Variants in ABCE1 observed in about 807,000 individuals in gnomAD.
ABCE1 encodes ATP binding cassette subfamily E member 1.
Under a neutral mutation model 83.4 loss-of-function variants are expected in ABCE1, and 22 were observed. The ratio of observed to expected loss-of-function variants is 0.26; its 90% CI spans 0.19 to 0.38. ABCE1 has a LOEUF of 0.38. Ranked by LOEUF, ABCE1 falls within the 10% of genes least tolerant of loss-of-function variation. ABCE1 has a pLI of 1.00. For synonymous variants in ABCE1, 204 were observed against 233.7 expected (o/e 0.87, Z 1.16); for missense variants, 330 against 721.9 (o/e 0.46, Z 6.22).
At chr4:145,099,539 G>A (rs1749056619) in intron 1 of ABCE1, among the ~76,000 whole-genome samples, 1 of 152,188 alleles carries the variant, frequency 6.6e-6, no homozygotes, top group South Asian at 2.1e-4. Flanking sequence ...TTAAAAAAGG[G>A]AGTTTTTTTG....
intron 17 of ABCE1, among the ~76,000 whole-genome samples, chr4:145,126,095 G>A (rs1421300812): frequency 6.6e-6 from 1 of 151,994 alleles, no homozygotes; most frequent in Non-Finnish European, 1.5e-5. Flanking sequence ...GTCTAAACAA[G>A]CTCCTGTGAT....
rs753580174 is a variant in ABCE1, at chr4:145,120,014, G to A, written c.1005G>A (p.Glu335=). Residue 335 remains glutamate, a synonymous_variant, in exon 11 of 18, where the codon GAG becomes GAA. Coordinates refer to ENST00000296577, the MANE Select transcript of ABCE1 (RefSeq NM_002940.3). The part of the protein sequence containing the change: ...RDASLVFKVA[E]TANEEEVKKM... ...CATCACTTGTTTTTAAAGTGGCTGA[G>A]ACAGCAAATGAAGAAGAAGTTAAAA... 3 of 1,612,456 alleles carry A rather than the reference G, an allele frequency of 1.9e-6. No homozygotes were observed. In the East Asian group the frequency reaches 6.7e-5, roughly 36 times the overall value.
At chr4:145,126,053 C>A (rs952590701) in intron 17 of ABCE1, among the ~76,000 whole-genome samples, 1 of 151,964 alleles carries the variant, frequency 6.6e-6, no homozygotes, top group Non-Finnish European at 1.5e-5. Flanking sequence ...CCCCCGCCCC[C>A]GCAACCCCCG....
chr4:145,114,106 A>G (rs1749551229), intron 9 of ABCE1, among the ~76,000 whole-genome samples: 1 of 152,160 alleles, frequency 6.6e-6, no homozygotes, highest in African/African-American at 2.4e-5. Flanking sequence ...TGAAACTTAG[A>G]ATATCAGTGA....
rs1269825252 is a variant in ABCE1 at position 145,129,302 on chromosome 4, A to G, written c.*1729A>G. On this transcript the variant is annotated 3_prime_UTR_variant, in exon 18 of 18. Coordinates refer to ENST00000296577, the MANE Select transcript of ABCE1 (RefSeq NM_002940.3). The stretch of plus-strand genomic sequence containing the variant: ...TTTAAAATATGTATCTTAAAATTTT[A>G]CATAGCAACAGAAAGGCCTACAATT... 6.6e-6 allele frequency: 1 copy of G among 152,214 alleles called. No individual in the cohort carries two copies. Among genetic ancestry groups the G allele is most frequent in the Non-Finnish European group, 1.5e-5 (1 of 68,028 alleles). The allele number at this position is 152,214 out of a possible 1,614,324, so 9.4% of individuals were successfully genotyped here. A position where few individuals can be genotyped will look rare whatever the true frequency, so the allele number is the denominator to read the frequency against.
At chr4:145,120,458 A>G (rs1749713911) in intron 11 of ABCE1, among the ~76,000 whole-genome samples, 1 of 152,136 alleles carries the variant, frequency 6.6e-6, no homozygotes, top group South Asian at 2.1e-4. Context: ...TAAATTGACT[A>G]AGATGGAAAG....
intron 2 of ABCE1, 45 bp downstream of exon 2, chr4:145,104,560 A>G: frequency 7.7e-7 from 1 of 1,295,120 alleles, no homozygotes; most frequent in African/African-American, 1.5e-5. Flanking sequence ...AAAACCATGA[A>G]AGAAATCAAC....
intron 10 of ABCE1, 137 bp from the exon 11 acceptor site, chr4:145,119,795 T>C (rs956444508): frequency 1.6e-6 from 1 of 617,016 alleles, no homozygotes; most frequent in South Asian, 2.0e-5. Context: ...TTTTTTAAGT[T>C]ACTTCTTTAT....
chr4:145,105,698 A>G lies in ABCE1; in HGVS notation c.189+8A>G. 3.2e-6 allele frequency: 5 copies of G among 1,565,764 alleles called. No individual in the cohort carries two copies. Among genetic ancestry groups the G allele is most frequent in the Non-Finnish European group, 4.4e-6 (5 of 1,142,518 alleles). On this transcript the variant is annotated splice_region_variant and intron_variant, in intron 3 of 17. Transcript: ENST00000296577. ...TGTGGTATCTGTATTAAGGTAAGTA[A>G]TATTTTATTTACTGGATCAAACGTG...
chr4:145,124,607 A>G (rs34592228), intron 16 of ABCE1, among the ~76,000 whole-genome samples: 7 of 152,104 alleles, frequency 4.6e-5, no homozygotes, highest in Non-Finnish European at 1.0e-4. Flanking sequence ...TCCAGTAACA[A>G]ATTTTTCATA....
intron 2 of ABCE1, 26 bp downstream of exon 2, chr4:145,104,541 G>A (rs1749246624): frequency 4.9e-6 from 7 of 1,438,610 alleles, no homozygotes; most frequent in East Asian, 2.5e-5. Flanking sequence ...GATCATTTAA[G>A]TATAAAAGAA....
chr4:145,099,750 A>G (rs765822012), intron 1 of ABCE1, among the ~76,000 whole-genome samples: 12 of 152,244 alleles, frequency 7.9e-5, no homozygotes, highest in Non-Finnish European at 1.5e-4. Flanking sequence ...ACTAAACATC[A>G]TTAGTTAACA....
At chr4:145,124,170 C>A (rs1749814136) in intron 16 of ABCE1, among the ~76,000 whole-genome samples, 1 of 152,136 alleles carries the variant, frequency 6.6e-6, no homozygotes, top group South Asian at 2.1e-4. Flanking sequence ...ACCTTTAGTG[C>A]TAAAGCCTAT....
At chr4:145,101,022 TACAC>T (rs1379286513) in intron 1 of ABCE1, among the ~76,000 whole-genome samples, 2 of 151,724 alleles carry the variant, frequency 1.3e-5, no homozygotes, top group Non-Finnish European at 2.9e-5. Context: ...ACAATATACA[TACAC>T]ACACCCACGA....
intron 1 of ABCE1, among the ~76,000 whole-genome samples, chr4:145,100,706 A>G (rs1749126008): frequency 6.6e-6 from 1 of 152,054 alleles, no homozygotes; most frequent in Non-Finnish European, 1.5e-5. Flanking sequence ...TATTGGAATA[A>G]CCCTGTACTT....
At chr4:145,120,272 A>G in intron 11 of ABCE1, 119 bp downstream of exon 11, 1 of 830,926 alleles carries the variant, frequency 1.2e-6, no homozygotes, top group Non-Finnish European at 1.8e-6. Context: ...AGTTTTATTT[A>G]AACCCACAAA....
chr4:145,124,859 T>G, intron 16 of ABCE1, 131 bp from the exon 17 acceptor site: 1 of 623,686 alleles, frequency 1.6e-6, no homozygotes, highest in Middle Eastern at 4.5e-4. Flanking sequence ...ATGCTGTTAT[T>G]ATACTGTTAT....
In ABCE1 at chr4:145,110,428, T is replaced by G; in HGVS notation, c.597T>G (p.Ile199Met). The G allele has an allele frequency of 6.2e-7, 1 of 1,612,054 alleles. No individual in the cohort carries two copies. The highest frequency in any genetic ancestry group is 8.5e-7 in the Non-Finnish European group (1 of 1,179,906). The change falls in exon 7 of 18, where the codon ATT becomes ATG. Residue 199 changes from isoleucine (I) to methionine (M), a missense_variant. Physicochemically the swap from Ile to Met is conservative, Grantham distance 10. Coordinates refer to ENST00000296577, the MANE Select transcript of ABCE1 (RefSeq NM_002940.3). Reference protein sequence around the residue: ...DRKDETKTQAIVCQQLDLTHL... With the variant: ...DRKDETKTQAMVCQQLDLTHL... ...AAGATGAAACAAAGACACAGGCAAT[T>G]GTATGTCAGCAGCTTGGTAAGTGTT...
At chr4:145,100,714 C>T (rs1344594458) in intron 1 of ABCE1, among the ~76,000 whole-genome samples, 1 of 152,060 alleles carries the variant, frequency 6.6e-6, no homozygotes, top group Non-Finnish European at 1.5e-5. Flanking sequence ...TAACCCTGTA[C>T]TTATTACATG....
Sources: gnomAD v4.1 joint callset for allele counts (sites outside exome capture counted in the v4.1 genomes callset) on GRCh38, gnomAD v4.1.1 for gene constraint, MANE v1.5 for transcripts, NCBI Gene and HGNC (gene_info 2026-07-23, HGNC 2026-07-21) for gene names.